TSGA13: variants seen among roughly 807,000 people sequenced by gnomAD.
TSGA13 encodes testis-specific gene 13 protein.
Under a neutral mutation model 35.1 loss-of-function variants are expected in TSGA13, and 37 were observed. The ratio of observed to expected loss-of-function variants is 1.05; its 90% confidence interval spans 0.81 to 1.39. The LOEUF is 1.39. Among genes scored for constraint, TSGA13 ranks in the 40% most tolerant of loss-of-function variants. The probability of loss-of-function intolerance (pLI) is 0.00; values close to 1 mark genes in which losing one functional copy is unlikely to be tolerated. For missense variants in TSGA13, 338 were observed against 328.5 expected (o/e 1.03, Z -0.22); for synonymous variants, 124 against 121.2 (o/e 1.02, Z -0.15).
chr7:130,677,038 G>A (rs1414749766), intron 5 of TSGA13, among the ~76,000 whole-genome samples: 9 of 151,186 alleles, frequency 6.0e-5, no homozygotes, highest in African/African-American at 1.9e-4. Flanking sequence ...GAGTACAGGC[G>A]CCCGCTACCA....
intron 7 of TSGA13, among the ~76,000 whole-genome samples, chr7:130,671,033 T>C (rs1796256041): frequency 6.6e-6 from 1 of 152,170 alleles, no homozygotes; most frequent in African/African-American, 2.4e-5. Flanking sequence ...AAATAAATGA[T>C]AATATGTGAG....
At chr7:130,674,260 C>T (rs1344048821) in intron 5 of TSGA13, among the ~76,000 whole-genome samples, 2 of 131,920 alleles carry the variant, frequency 1.5e-5, no homozygotes, top group East Asian at 5.1e-4. Context: ...ACAACCTCTG[C>T]CTCCTGGGCT....
rs1554464644 is a variant in TSGA13 at position 130,679,227 on chromosome 7, G to A, written c.315C>T (p.Pro105=). 1 of 1,614,176 alleles carries A rather than the reference G, an allele frequency of 6.2e-7. No individual in the cohort carries two copies. Among genetic ancestry groups the A allele is most frequent in the South Asian group, 1.1e-5 (1 of 91,084 alleles). Residue 105 remains proline (P), a synonymous_variant, in exon 5 of 8, where the codon CCC becomes CCT. Transcript: ENST00000356588. ...CCTTGTCTTGCTGGGTGATTGAGCA[G>A]GGAGGTGGGTTGTTGGTCATAATCA... ...TLLIMTNNPP[P]CSITQQDKES... is the part of the protein sequence containing the mutation.
At chr7:130,683,004 G>A (rs1217005477) in intron 3 of TSGA13, among the ~76,000 whole-genome samples, 2 of 152,070 alleles carry the variant, frequency 1.3e-5, no homozygotes, top group African/African-American at 4.8e-5. Flanking sequence ...AACTTATTTG[G>A]GAGAAAGGTA....
intron 7 of TSGA13, among the ~76,000 whole-genome samples, chr7:130,669,552 T>C (rs901966575): frequency 6.6e-6 from 1 of 152,192 alleles, no homozygotes; most frequent in Non-Finnish European, 1.5e-5. Flanking sequence ...TGTCTAAGAG[T>C]GTAGCTAAGA....
rs1297265986 is a variant in TSGA13 at position 130,668,767 on chromosome 7, C to T, written c.*247G>A. 2 of 1,419,038 alleles carry T rather than the reference C, an allele frequency of 1.4e-6. No homozygotes were observed. The highest frequency in any genetic ancestry group is 1.9e-6 in the Non-Finnish European group (2 of 1,062,874). The allele number at this position is 1,419,038 out of a possible 1,614,324, so 87.9% of individuals were successfully genotyped here. ...CAGGAAGGCCGGCCCCGCGCTCTCA[C>T]GCCGGTTGGGCCGCCGCGCCTTCAC... On this transcript the variant is annotated 3_prime_UTR_variant, in exon 8 of 8. Coordinates refer to ENST00000356588, the MANE Select transcript of TSGA13 (RefSeq NM_052933.4).
At chr7:130,683,778 G>T in intron 2 of TSGA13, 106 bp from the exon 3 acceptor site, 1 of 946,288 alleles carries the variant, frequency 1.1e-6, no homozygotes, top group Non-Finnish European at 1.6e-6. Flanking sequence ...ACTCAGACAA[G>T]TCCAATTTAG....
chr7:130,671,830 G>C, intron 6 of TSGA13, 42 bp from the exon 7 acceptor site: 1 of 1,417,128 alleles, frequency 7.1e-7, no homozygotes, highest in Non-Finnish European at 9.3e-7. Context: ...CCTAGGGCAG[G>C]GGGATTCATG....
chr7:130,686,902 C>T (rs191335694), upstream of TSGA13: 364 of 152,178 alleles, frequency 2.4e-3, 3 homozygotes, highest in Non-Finnish European at 4.4e-3. Flanking sequence ...TTTCTTCTGA[C>T]GGAGCCTCAC....
chr7:130,679,498 G>A, intron 4 of TSGA13, 131 bp from the exon 5 acceptor site: 2 of 823,478 alleles, frequency 2.4e-6, no homozygotes, highest in Non-Finnish European at 3.7e-6. Context: ...AAAATCTGTA[G>A]GGTTTTTTGG....
At chr7:130,680,369 A>G (rs1796514749) in intron 4 of TSGA13, among the ~76,000 whole-genome samples, 1 of 151,988 alleles carries the variant, frequency 6.6e-6, no homozygotes, top group African/African-American at 2.4e-5. Flanking sequence ...AGCCAGGCGT[A>G]GTGGGGGGCG....
At chr7:130,671,994 G>A (rs1390205761) in intron 6 of TSGA13, among the ~76,000 whole-genome samples, 2 of 151,832 alleles carry the variant, frequency 1.3e-5, no homozygotes, top group African/African-American at 4.8e-5. Flanking sequence ...AGGTTCAAGC[G>A]ATTCTCCTGC....
In TSGA13 at chr7:130,668,861, T is replaced by A; in HGVS notation, c.*153A>T. ...GACGCAGCCACGCCCCCTTCTCCTC[T>A]TGCGGCCCGCCGGAGACTTCGGCTC... is the stretch of plus-strand genomic sequence containing the variant. On this transcript the variant is annotated 3_prime_UTR_variant, in exon 8 of 8. Coordinates refer to ENST00000356588, the MANE Select transcript of TSGA13 (RefSeq NM_052933.4). The A allele has an allele frequency of 7.3e-7, 1 of 1,363,066 alleles. No individual in the cohort carries two copies. Among genetic ancestry groups the A allele is most frequent in the Non-Finnish European group, 9.9e-7 (1 of 1,009,328 alleles). 84.4% of individuals were successfully genotyped at this position (1,363,066 alleles called of 1,614,324 possible).
chr7:130,684,529 T>G (rs1166635384), intron 2 of TSGA13, among the ~76,000 whole-genome samples: 1 of 152,160 alleles, frequency 6.6e-6, no homozygotes, highest in Non-Finnish European at 1.5e-5. Context: ...CAACTAGACC[T>G]CTCTCCTTTA....
chr7:130,673,220 A>C (rs544359789), intron 5 of TSGA13, among the ~76,000 whole-genome samples: 1 of 152,354 alleles, frequency 6.6e-6, no homozygotes, highest in African/African-American at 2.4e-5. Flanking sequence ...TTTGGCAATA[A>C]ATTGGGAAAT....
chr7:130,685,070 A>G, intron 2 of TSGA13, 118 bp downstream of exon 2: 2 of 1,076,972 alleles, frequency 1.9e-6, no homozygotes, highest in Non-Finnish European at 2.8e-6. Context: ...TCAGTCAATT[A>G]AAATATGTTT....
chr7:130,669,662 T>C (rs1554462670), intron 7 of TSGA13, among the ~76,000 whole-genome samples: 1 of 152,266 alleles, frequency 6.6e-6, no homozygotes, highest in Non-Finnish European at 1.5e-5. Flanking sequence ...AGAGAAATTC[T>C]AACCTAGATT....
intron 5 of TSGA13, among the ~76,000 whole-genome samples, chr7:130,674,879 TATA>T (rs1379121555): frequency 6.6e-6 from 1 of 152,234 alleles, no homozygotes; most frequent in African/African-American, 2.4e-5. Flanking sequence ...GTTTTGCAAT[TATA>T]ATGGCAAAAA....
chr7:130,685,013 G>GTT (rs1554465542), intron 2 of TSGA13, among the ~76,000 whole-genome samples, 175 bp downstream of exon 2: 49 of 152,148 alleles, frequency 3.2e-4, no homozygotes, highest in African/African-American at 1.2e-3. Context: ...TTTGACAAAA[G>GTT]CAACCATGAA....
Sources: allele counts gnomAD v4.1 joint callset (sites outside exome capture counted in the v4.1 genomes callset), GRCh38; gene constraint gnomAD v4.1.1; transcripts MANE v1.5; gene names NCBI Gene and HGNC (gene_info 2026-07-23, HGNC 2026-07-21).